LRRIQ3: variants seen among roughly 807,000 people sequenced by gnomAD.
LRRIQ3 encodes the protein leucine rich repeats and IQ motif containing 3.
A neutral mutation model predicts 59.3 loss-of-function variants in LRRIQ3; 75 were observed. That is an observed-to-expected ratio of 1.26 (90% CI 1.05 to 1.53). The LOEUF (loss-of-function observed/expected upper bound fraction) is 1.53, where lower values mean the gene tolerates loss of function less well. Among genes scored for constraint, LRRIQ3 ranks in the 40% most tolerant of loss-of-function variants. The pLI, the probability that LRRIQ3 is intolerant of heterozygous loss-of-function variation, is 0.00. For missense variants in LRRIQ3, 831 were observed against 710.0 expected, an observed-to-expected ratio of 1.17 and a Z score of -1.94; for synonymous variants, 250 against 231.3, an observed-to-expected ratio of 1.08 and a Z score of -0.73.
intron 5 of LRRIQ3, among the ~76,000 whole-genome samples, chr1:74,105,599 T>C (rs1389854113): frequency 6.6e-6 from 1 of 151,940 alleles, no homozygotes; most frequent in African/African-American, 2.4e-5. Flanking sequence ...TTTGAGTCCT[T>C]ATTAAAATTA....
chr1:74,096,179 A>G (rs1170613872), intron 5 of LRRIQ3, among the ~76,000 whole-genome samples: 1 of 152,088 alleles, frequency 6.6e-6, no homozygotes, highest in Admixed American at 6.6e-5. Flanking sequence ...AGATTTTCAT[A>G]TCTGTTTATA....
chr1:74,089,824 A>G (rs1215173985), intron 5 of LRRIQ3, among the ~76,000 whole-genome samples: 2 of 152,092 alleles, frequency 1.3e-5, no homozygotes, highest in Non-Finnish European at 2.9e-5. Context: ...TTTTAATGGT[A>G]TGTGAATTAC....
chr1:74,068,476 C>T (rs1413503040), intron 6 of LRRIQ3, among the ~76,000 whole-genome samples: 2 of 151,988 alleles, frequency 1.3e-5, no homozygotes, highest in African/African-American at 4.8e-5. Context: ...TACATAACTG[C>T]ATGGGAAGCT....
intron 4 of LRRIQ3, among the ~76,000 whole-genome samples, chr1:74,148,189 T>C (rs2100651628): frequency 6.6e-6 from 1 of 152,332 alleles, no homozygotes; most frequent in East Asian, 1.9e-4. Flanking sequence ...AGTTGCTTTT[T>C]CCAAATTTTG....
At chr1:74,063,223 A>C (rs1654778750) in intron 6 of LRRIQ3, among the ~76,000 whole-genome samples, 1 of 151,776 alleles carries the variant, frequency 6.6e-6, no homozygotes, top group African/African-American at 2.4e-5. Flanking sequence ...TTCTTCTATC[A>C]TTTCTAATGT....
chr1:74,141,222 C>T (rs1267417760), intron 4 of LRRIQ3, among the ~76,000 whole-genome samples: 3 of 151,808 alleles, frequency 2.0e-5, no homozygotes, highest in African/African-American at 4.8e-5. Flanking sequence ...TCTTTGGCTG[C>T]CAAGATATTC....
chr1:74,113,156 AC>A (rs1170496269), intron 4 of LRRIQ3, among the ~76,000 whole-genome samples: 12 of 151,956 alleles, frequency 7.9e-5, no homozygotes, highest in Non-Finnish European at 1.5e-4. Context: ...TTTAAAAAAA[AC>A]CAAAAATTTT....
At chr1:74,056,848 G>A (rs1072936) in intron 6 of LRRIQ3, among the ~76,000 whole-genome samples, 124,532 of 151,946 alleles carry the variant, frequency 0.82, 52,813 homozygotes, top group East Asian at 0.97. Flanking sequence ...GTTGAGGGAG[G>A]GACCTGGTGG....
intron 5 of LRRIQ3, among the ~76,000 whole-genome samples, chr1:74,079,578 T>A (rs186370698): frequency 5.9e-4 from 89 of 151,964 alleles, no homozygotes; most frequent in African/African-American, 2.1e-3. Context: ...TTTGCTAACG[T>A]AGGTTAAGAT....
intron 5 of LRRIQ3, chr1:74,084,202 T>C (rs1272844509): frequency 1.3e-6 from 2 of 1,547,128 alleles, no homozygotes; most frequent in Non-Finnish European, 1.7e-6. Flanking sequence ...AATTGACCCA[T>C]AATTTTTTTT....
intron 4 of LRRIQ3, among the ~76,000 whole-genome samples, chr1:74,121,891 T>G (rs4525000): frequency 0.3 from 45,709 of 151,470 alleles, 7,586 homozygotes; most frequent in Middle Eastern, 0.45. Context: ...GCTTCATCCA[T>G]GTCCCTACAA....
chr1:74,174,416 C>G (rs1649513965), intron 3 of LRRIQ3, among the ~76,000 whole-genome samples: 1 of 151,734 alleles, frequency 6.6e-6, no homozygotes, highest in Admixed American at 6.6e-5. Flanking sequence ...GAGTTTCACT[C>G]TTGTTGCCCA....
chr1:74,073,383 A>G (rs967460482), intron 6 of LRRIQ3, among the ~76,000 whole-genome samples: 1 of 151,998 alleles, frequency 6.6e-6, no homozygotes, highest in African/African-American at 2.4e-5. Flanking sequence ...ATGGTGGCTT[A>G]TGCCTGTAGT....
chr1:74,129,821 G>A (rs537084935), intron 4 of LRRIQ3, among the ~76,000 whole-genome samples: 2 of 152,038 alleles, frequency 1.3e-5, no homozygotes, highest in Admixed American at 1.3e-4. Context: ...CCAGGACTGG[G>A]TCTTTCTCTT....
chr1:74,110,348 A>C (rs2100563273), intron 4 of LRRIQ3, among the ~76,000 whole-genome samples: 1 of 152,114 alleles, frequency 6.6e-6, no homozygotes, highest in South Asian at 2.1e-4. Context: ...ATTAGTGAAA[A>C]GAATCTAGTA....
At chr1:74,160,297 T>C (rs1293328666) in intron 3 of LRRIQ3, among the ~76,000 whole-genome samples, 2 of 152,066 alleles carry the variant, frequency 1.3e-5, no homozygotes, top group South Asian at 2.1e-4. Context: ...TTGCAAATGC[T>C]TTCCACTCTG....
At chr1:74,086,237 A>G (rs1307129129) in intron 5 of LRRIQ3, among the ~76,000 whole-genome samples, 1 of 152,046 alleles carries the variant, frequency 6.6e-6, no homozygotes, top group Non-Finnish European at 1.5e-5. Context: ...ATCTGCCTTG[A>G]GCCATTTCCT....
chr1:74,196,355 T>C (rs1651123816), intron 1 of LRRIQ3, among the ~76,000 whole-genome samples: 1 of 152,154 alleles, frequency 6.6e-6, no homozygotes, highest in Non-Finnish European at 1.5e-5. Context: ...ACCCCAAACA[T>C]ATAGGCTCTG....
intron 5 of LRRIQ3, among the ~76,000 whole-genome samples, chr1:74,088,756 G>C (rs964575480): frequency 1.3e-5 from 2 of 151,946 alleles, no homozygotes; most frequent in East Asian, 3.9e-4. Context: ...GGCCTCAAGT[G>C]AAAGAATGGT....
Sources: allele counts gnomAD v4.1 joint callset (sites outside exome capture counted in the v4.1 genomes callset), GRCh38; gene constraint gnomAD v4.1.1; transcripts MANE v1.5; gene names NCBI Gene and HGNC (gene_info 2026-07-23, HGNC 2026-07-21).